Variants in SLC25A21 observed in about 807,000 individuals in gnomAD.
SLC25A21 encodes the protein solute carrier family 25 member 21, also known as mitochondrial 2-oxodicarboxylate carrier.
In SLC25A21, 47 loss-of-function variants were observed where a neutral mutation model predicts 43.8. That is an observed-to-expected ratio of 1.07 (90% CI 0.85 to 1.37). The LOEUF is 1.37. Ranked by LOEUF, SLC25A21 falls within the 40% of genes most tolerant of loss-of-function variation. The probability of loss-of-function intolerance (pLI) is 0.00; values close to 1 mark genes in which losing one functional copy is unlikely to be tolerated. For synonymous variants in SLC25A21, 131 were observed against 121.3 expected, an observed-to-expected ratio of 1.08 and a Z score of -0.52; for missense variants, 352 against 350.2, an observed-to-expected ratio of 1.00 and a Z score of -0.04.
chr14:36,785,570 C>T (rs1887219551), intron 3 of SLC25A21, among the ~76,000 whole-genome samples: 1 of 152,210 alleles, frequency 6.6e-6, no homozygotes, highest in East Asian at 1.9e-4. Context: ...TTATTATTAG[C>T]ATGATCATTG....
At chr14:37,033,091 A>G (rs1961254532) in intron 1 of SLC25A21, among the ~76,000 whole-genome samples, 1 of 152,196 alleles carries the variant, frequency 6.6e-6, no homozygotes, top group South Asian at 2.1e-4. Context: ...TTCATCTTAC[A>G]AAACTAACAC....
chr14:37,155,776 A>G (rs1374289526), intron 1 of SLC25A21, among the ~76,000 whole-genome samples: 1 of 152,168 alleles, frequency 6.6e-6, no homozygotes, highest in East Asian at 1.9e-4. Flanking sequence ...ATGCTGAAGG[A>G]ATTTATTACC....
intron 1 of SLC25A21, among the ~76,000 whole-genome samples, chr14:37,018,495 AG>A (rs1239266996): frequency 3.3e-5 from 5 of 152,008 alleles, no homozygotes; most frequent in Admixed American, 6.6e-5. Flanking sequence ...CAATAAAGCT[AG>A]TGTTGGGGAA....
intron 1 of SLC25A21, among the ~76,000 whole-genome samples, chr14:37,171,214 A>G (rs936770254): frequency 6.6e-6 from 1 of 152,002 alleles, no homozygotes; most frequent in African/African-American, 2.4e-5. Context: ...TTGATGAAAT[A>G]CCATCTTTAA....
chr14:36,929,632 A>G (rs1892234138), intron 1 of SLC25A21, among the ~76,000 whole-genome samples: 1 of 152,140 alleles, frequency 6.6e-6, no homozygotes, highest in African/African-American at 2.4e-5. Context: ...GCATCATGGA[A>G]ATAAATATTC....
intron 1 of SLC25A21, among the ~76,000 whole-genome samples, chr14:36,998,770 TATATGG>T: frequency 6.7e-6 from 1 of 150,044 alleles, no homozygotes; most frequent in Admixed American, 6.6e-5. Context: ...CTAAAGAAGA[TATATGG>T]ATGTCAAATA....
intron 1 of SLC25A21, among the ~76,000 whole-genome samples, chr14:36,898,471 C>T (rs1345072374): frequency 1.3e-5 from 2 of 152,186 alleles, no homozygotes; most frequent in Non-Finnish European, 2.9e-5. Flanking sequence ...TCCCTGACCC[C>T]TTGTGCTTCC....
chr14:36,815,791 T>C (rs1888433734), intron 2 of SLC25A21, among the ~76,000 whole-genome samples: 2 of 152,178 alleles, frequency 1.3e-5, no homozygotes, highest in South Asian at 4.1e-4. Flanking sequence ...TTGGGTTCTT[T>C]ACCCTGCCTA....
chr14:36,910,112 C>T (rs1470735087), intron 1 of SLC25A21, among the ~76,000 whole-genome samples: 2 of 152,132 alleles, frequency 1.3e-5, no homozygotes, highest in African/African-American at 4.8e-5. Flanking sequence ...AATAAATTCA[C>T]TGAGATGTTA....
At chr14:37,125,010 T>C (rs1307205592) in intron 1 of SLC25A21, among the ~76,000 whole-genome samples, 1 of 152,140 alleles carries the variant, frequency 6.6e-6, no homozygotes, top group Non-Finnish European at 1.5e-5. Flanking sequence ...AATTACCCAG[T>C]CTCAAATATT....
At chr14:37,051,411 T>C (rs935064864) in intron 1 of SLC25A21, among the ~76,000 whole-genome samples, 19 of 152,172 alleles carry the variant, frequency 1.2e-4, no homozygotes, top group African/African-American at 4.3e-4. Flanking sequence ...ATTTCACAGC[T>C]ACAAGACAAT....
chr14:37,165,695 T>C (rs924915481), intron 1 of SLC25A21, among the ~76,000 whole-genome samples: 1 of 152,088 alleles, frequency 6.6e-6, no homozygotes, highest in African/African-American at 2.4e-5. Context: ...GGGGCTAAGA[T>C]AACATTGTCA....
At chr14:36,686,879 T>A (rs1412831750) in intron 7 of SLC25A21, among the ~76,000 whole-genome samples, 1 of 152,152 alleles carries the variant, frequency 6.6e-6, no homozygotes, top group Non-Finnish European at 1.5e-5. Context: ...AGACATGGCA[T>A]TGGAAACCAA....
chr14:36,860,607 T>C (rs745541517), intron 2 of SLC25A21, among the ~76,000 whole-genome samples: 18 of 152,250 alleles, frequency 1.2e-4, no homozygotes, highest in Non-Finnish European at 2.4e-4. Context: ...TCACCTGACC[T>C]TTCCAAATGA....
At chr14:36,861,486 A>AC (rs1890063720) in intron 2 of SLC25A21, among the ~76,000 whole-genome samples, 1 of 152,186 alleles carries the variant, frequency 6.6e-6, no homozygotes, top group South Asian at 2.1e-4. Flanking sequence ...CCTCTTTCTC[A>AC]ACACTTTCAG....
intron 1 of SLC25A21, among the ~76,000 whole-genome samples, chr14:37,013,539 T>C (rs183525759): frequency 1.3e-5 from 2 of 152,254 alleles, no homozygotes; most frequent in Admixed American, 1.3e-4. Context: ...TCTTAATATA[T>C]AAGTAACACA....
chr14:36,926,940 C>T (rs1034647871), intron 1 of SLC25A21, among the ~76,000 whole-genome samples: 21 of 152,030 alleles, frequency 1.4e-4, no homozygotes, highest in Non-Finnish European at 2.6e-4. Flanking sequence ...GAGGCTGAGA[C>T]GGGCAGATCA....
In SLC25A21 at chr14:36,932,175, C is replaced by G. The variant is rs993222789; in HGVS notation, c.71-57171G>C. On this transcript the variant is annotated intron_variant, in intron 1 of 9. Transcript: ENST00000331299. ...AGTAAATTTGACTATGTGGTAATTT[C>G]TGTTTCCTAAAGGCAATATGAAATA... Among the ~76,000 whole-genome samples, 4 of 152,108 alleles carry G rather than the reference C, an allele frequency of 2.6e-5. No homozygotes were observed. In the East Asian group the frequency reaches 7.7e-4, roughly 29 times the overall value.
At chr14:36,940,184 T>C (rs944989789) in intron 1 of SLC25A21, among the ~76,000 whole-genome samples, 1 of 152,154 alleles carries the variant, frequency 6.6e-6, no homozygotes, top group Non-Finnish European at 1.5e-5. Flanking sequence ...TCAATTAATC[T>C]GTTCATACAT....
Sources: gnomAD v4.1 joint callset for allele counts (sites outside exome capture counted in the v4.1 genomes callset) on GRCh38, gnomAD v4.1.1 for gene constraint, MANE v1.5 for transcripts, NCBI Gene and HGNC (gene_info 2026-07-23, HGNC 2026-07-21) for gene names.